RILPL1: variants seen among roughly 807,000 people sequenced by gnomAD.
RILPL1 encodes the protein RILP-like protein 1.
RILPL1 carries 33 observed loss-of-function variants against 50.3 expected under a neutral mutation model. The ratio of observed to expected loss-of-function variants is 0.66; its 90% CI spans 0.50 to 0.88. RILPL1 has a LOEUF of 0.88. Ranked by LOEUF, RILPL1 falls within the 40% of genes least tolerant of loss-of-function variation. The pLI is 0.00. For missense variants in RILPL1, 418 were observed against 542.5 expected, an observed-to-expected ratio of 0.77 and a Z score of 2.28; for synonymous variants, 205 against 228.6, an observed-to-expected ratio of 0.90 and a Z score of 0.93.
intron 2 of RILPL1, among the ~76,000 whole-genome samples, chr12:123,511,940 T>TTG (rs143408241): frequency 0.44 from 21,552 of 48,890 alleles, 8,319 homozygotes; most frequent in East Asian, 0.98. Flanking sequence ...TGTGTGAGGT[T>TTG]TGTGTGTGTG....
intron 2 of RILPL1, among the ~76,000 whole-genome samples, chr12:123,515,093 G>A (rs1205220086): frequency 6.6e-6 from 1 of 151,768 alleles, no homozygotes; most frequent in Non-Finnish European, 1.5e-5. Context: ...ACCATGCCCA[G>A]CTAATTTAAA....
intron 2 of RILPL1, among the ~76,000 whole-genome samples, chr12:123,502,347 T>A (rs1883449546): frequency 6.6e-6 from 1 of 152,248 alleles, no homozygotes; most frequent in Non-Finnish European, 1.5e-5. Flanking sequence ...TGTGTAAGGT[T>A]ACAAAGGCCT....
chr12:123,525,952 C>T (rs1182867442), intron 1 of RILPL1, among the ~76,000 whole-genome samples: 1 of 151,958 alleles, frequency 6.6e-6, no homozygotes, highest in Non-Finnish European at 1.5e-5. Context: ...AACAAAAAAA[C>T]GGTACTTGGT....
intron 4 of RILPL1, among the ~76,000 whole-genome samples, chr12:123,493,464 C>T (rs1469642593): frequency 6.6e-6 from 1 of 152,168 alleles, no homozygotes; most frequent in Non-Finnish European, 1.5e-5. Flanking sequence ...TTCCCTGGGT[C>T]CCCTTATTTC....
chr12:123,518,011 G>T (rs1224386392), intron 2 of RILPL1, among the ~76,000 whole-genome samples: 1 of 152,154 alleles, frequency 6.6e-6, no homozygotes, highest in African/African-American at 2.4e-5. Context: ...TATAGGAGAC[G>T]CCTCAAGTAG....
intron 2 of RILPL1, among the ~76,000 whole-genome samples, chr12:123,501,377 C>A (rs747841259): frequency 1.2e-4 from 18 of 151,790 alleles, no homozygotes; most frequent in Admixed American, 1.3e-4. Flanking sequence ...CCCAGGAGTT[C>A]GAGGCTGCAG....
Position 123,533,225 on chromosome 12 carries a change from G to A in RILPL1, c.258C>T (p.Arg86=), listed in dbSNP as rs1218952484. Residue 86 remains arginine (R), a synonymous_variant, in exon 1 of 7, where the codon CGC becomes CGT. Coordinates refer to ENST00000376874, the MANE Select transcript of RILPL1 (RefSeq NM_178314.5). The surrounding 1 kb of genome is among the most constrained non-coding windows in gnomAD (Gnocchi z 6.2). ...TGCGGTCCATCCTCTCCAGGCGCAGGCGGTCCAGCTCCAGGCGCAGCTCGT... is the reference window on the plus strand; with the variant it reads ...TGCGGTCCATCCTCTCCAGGCGCAGACGGTCCAGCTCCAGGCGCAGCTCGT... The part of the protein sequence containing the change: ...ELDELRLELD[R]LRLERMDRIE... 9 of 1,592,188 alleles carry A rather than the reference G, an allele frequency of 5.7e-6. No individual in the cohort carries two copies. Among genetic ancestry groups the A allele is most frequent in the Admixed American group, 1.7e-5 (1 of 58,890 alleles).
At chr12:123,531,687 G>A (rs1885448052) in intron 1 of RILPL1, among the ~76,000 whole-genome samples, 1 of 152,162 alleles carries the variant, frequency 6.6e-6, no homozygotes, top group Admixed American at 6.5e-5. Flanking sequence ...CACTTTATAT[G>A]TATTTATATT....
intron 1 of RILPL1, among the ~76,000 whole-genome samples, chr12:123,526,839 A>G (rs1431440501): frequency 6.6e-6 from 1 of 152,154 alleles, no homozygotes; most frequent in Non-Finnish European, 1.5e-5. Flanking sequence ...GGGGCCTGGA[A>G]GCAGAAAGAG....
intron 4 of RILPL1, among the ~76,000 whole-genome samples, chr12:123,496,592 A>C (rs543536287): frequency 6.6e-5 from 10 of 152,290 alleles, no homozygotes; most frequent in African/African-American, 2.2e-4. Context: ...TACTTTTCTG[A>C]AACAGCATCT....
At chr12:123,496,074 G>A (rs1010119397) in intron 4 of RILPL1, among the ~76,000 whole-genome samples, 1 of 151,432 alleles carries the variant, frequency 6.6e-6, no homozygotes, top group Non-Finnish European at 1.5e-5. Flanking sequence ...GTGCAGTGGC[G>A]TGATCTCAGT....
chr12:123,479,686 G>C (rs1881831851), intron 6 of RILPL1, among the ~76,000 whole-genome samples: 1 of 152,182 alleles, frequency 6.6e-6, no homozygotes, highest in African/African-American at 2.4e-5. Flanking sequence ...TTATCCCCCA[G>C]CAAGTGGGGC....
chr12:123,497,187 C>T (rs1260607967), intron 4 of RILPL1, among the ~76,000 whole-genome samples: 2 of 152,188 alleles, frequency 1.3e-5, no homozygotes, highest in Non-Finnish European at 2.9e-5. Flanking sequence ...CATTCATCTG[C>T]TGATGGACAT....
chr12:123,512,751 GTGTGTGGTAT>G (rs1884426939), intron 2 of RILPL1, among the ~76,000 whole-genome samples: 1 of 146,548 alleles, frequency 6.8e-6, no homozygotes, highest in African/African-American at 2.5e-5. Flanking sequence ...GTTTGTGTGT[GTGTGTGGTAT>G]GTGTGAGGTC....
At chr12:123,512,498 GGT>G (rs1223014427) in intron 2 of RILPL1, among the ~76,000 whole-genome samples, 1 of 135,326 alleles carries the variant, frequency 7.4e-6, no homozygotes, top group Non-Finnish European at 1.6e-5. Flanking sequence ...GTGTGTGTGT[GGT>G]GTGAGATCTG....
intron 2 of RILPL1, among the ~76,000 whole-genome samples, chr12:123,500,421 G>A (rs909116910): frequency 1.3e-5 from 2 of 151,416 alleles, no homozygotes; most frequent in African/African-American, 4.9e-5. Context: ...GTAGCTCGAG[G>A]CAACAGACAT....
At chr12:123,518,682 T>C (rs1036129086) in intron 2 of RILPL1, among the ~76,000 whole-genome samples, 1 of 152,116 alleles carries the variant, frequency 6.6e-6, no homozygotes, top group South Asian at 2.1e-4. Context: ...GATAGTCTCA[T>C]TGATAATTTT....
In RILPL1 at chr12:123,523,464, C is replaced by T. The variant is rs1239189338; in HGVS notation, c.460+31G>A. 3.1e-6 allele frequency: 5 copies of T among 1,613,010 alleles called. No individual in the cohort carries two copies. In the African/African-American group the frequency reaches 5.3e-5, roughly 17 times the overall value. ...GGGCAATAAGAAAAGGAATGGCCGGCCCCCTTGCATTGGCGCCGACCCCCA... is the reference window on the plus strand; with the variant it reads ...GGGCAATAAGAAAAGGAATGGCCGGTCCCCTTGCATTGGCGCCGACCCCCA... On this transcript the variant is annotated intron_variant, in intron 2 of 6. Transcript: ENST00000376874.
intron 2 of RILPL1, among the ~76,000 whole-genome samples, chr12:123,499,923 A>ACT: frequency 7.0e-6 from 1 of 143,820 alleles, no homozygotes; most frequent in Non-Finnish European, 1.5e-5. Context: ...TCCCTGACCC[A>ACT]CCATGTATTA....
Sources: gnomAD v4.1 joint callset for allele counts (sites outside exome capture counted in the v4.1 genomes callset) on GRCh38, gnomAD v4.1.1 for gene constraint, Gnocchi (gnomAD v3.1) non-coding constraint, MANE v1.5 for transcripts, NCBI Gene and HGNC (gene_info 2026-07-23, HGNC 2026-07-21) for gene names.